LRRC27: variants seen among roughly 807,000 people sequenced by gnomAD.
LRRC27 encodes the protein leucine rich repeat containing 27, also known as leucine-rich repeat-containing protein 27.
Under a neutral mutation model 55.0 loss-of-function variants are expected in LRRC27, and 57 were observed. The ratio of observed to expected loss-of-function variants is 1.04; its 90% CI spans 0.84 to 1.29. LRRC27 has a LOEUF of 1.29. Ranked by LOEUF, LRRC27 falls within the 50% of genes most tolerant of loss-of-function variation. The probability of loss-of-function intolerance (pLI) is 0.00; values close to 1 mark genes in which losing one functional copy is unlikely to be tolerated. For missense variants in LRRC27, 721 were observed against 651.5 expected, an observed-to-expected ratio of 1.11 and a Z score of -1.16; for synonymous variants, 278 against 251.9, an observed-to-expected ratio of 1.10 and a Z score of -0.98.
chr10:132,365,628 G>A (rs771377356), intron 10 of LRRC27, 78 bp downstream of exon 10: 16 of 1,509,894 alleles, frequency 1.1e-5, no homozygotes, highest in Non-Finnish European at 1.3e-5. Flanking sequence ...TTGAGACAGA[G>A]TCTTGTTCTG....
intron 2 of LRRC27, 117 bp downstream of exon 2, chr10:132,333,851 A>G: frequency 1.3e-6 from 1 of 777,004 alleles, no homozygotes; most frequent in East Asian, 2.6e-5. Context: ...TGAATTCTAA[A>G]ATTAAATAGA....
chr10:132,365,628 G>C (rs771377356), intron 10 of LRRC27, 78 bp downstream of exon 10: 2 of 1,510,012 alleles, frequency 1.3e-6, no homozygotes, highest in Non-Finnish European at 8.9e-7. Context: ...TTGAGACAGA[G>C]TCTTGTTCTG....
chr10:132,337,618 G>T lies in LRRC27; in HGVS notation c.264G>T (p.Gln88His). Reference sequence around the variant, plus strand: ...GTGTGATTCCTCAAGATTTCTTTCAGTTGCTTCCGAACCTGACTTGGCTGG... The same window carrying T: ...GTGTGATTCCTCAAGATTTCTTTCATTTGCTTCCGAACCTGACTTGGCTGG... ...ALCVIPQDFF[Q>H]LLPNLTWLDL... Residue 88 changes from glutamine (Q) to histidine (H), a missense_variant, in exon 3 of 11, where the codon CAG becomes CAT. Transcript: ENST00000368614. The T allele has an allele frequency of 1.9e-6, 3 of 1,614,164 alleles. No individual in the cohort carries two copies. Among genetic ancestry groups the T allele is most frequent in the Non-Finnish European group, 2.5e-6 (3 of 1,180,034 alleles).
intron 3 of LRRC27, among the ~76,000 whole-genome samples, chr10:132,339,882 C>T (rs1347716683): frequency 6.6e-6 from 1 of 152,216 alleles, no homozygotes; most frequent in Non-Finnish European, 1.5e-5. Flanking sequence ...CTAGTCAAAG[C>T]TGGCTGCCTA....
intron 3 of LRRC27, among the ~76,000 whole-genome samples, chr10:132,339,807 A>G (rs550357422): frequency 6.6e-6 from 1 of 152,378 alleles, no homozygotes; most frequent in South Asian, 2.1e-4. Flanking sequence ...ACCTGTTCCC[A>G]TAACTACTCG....
rs866397708 is a variant in LRRC27 at position 132,374,936 on chromosome 10, C to T, written c.1417-130C>T. 1.2e-5 allele frequency: 12 copies of T among 1,013,904 alleles called. No homozygotes were observed. The highest frequency in any genetic ancestry group is 3.2e-5 in the African/African-American group (2 of 61,760). 62.8% of individuals were successfully genotyped at this position (1,013,904 alleles called of 1,614,324 possible). A position where few individuals can be genotyped will look rare whatever the true frequency, so the allele number is the denominator to read the frequency against. ...GCCGTGATGCGGCTTGCAGGGGCCC[C>T]GGGGCAGCGGGGCTGGCTCTGCTGA... is the stretch of plus-strand genomic sequence containing the variant. On this transcript the variant is annotated intron_variant, in intron 10 of 10. Coordinates refer to ENST00000368614, the MANE Select transcript of LRRC27 (RefSeq NM_030626.3). This position sits in a 1 kb window ranked among gnomAD's most constrained non-coding sequence, Gnocchi z 4.4.
chr10:132,346,710 C>T (rs1300368960), intron 5 of LRRC27, among the ~76,000 whole-genome samples: 2 of 152,180 alleles, frequency 1.3e-5, no homozygotes, highest in Admixed American at 1.3e-4. Context: ...GTATCCCACT[C>T]TTCCTGTTTG....
chr10:132,359,500 G>T (rs1415786063), intron 8 of LRRC27, among the ~76,000 whole-genome samples: 1 of 152,226 alleles, frequency 6.6e-6, no homozygotes, highest in Non-Finnish European at 1.5e-5. Flanking sequence ...GGCCACTGCT[G>T]GGTGGATCCC....
chr10:132,375,169 C>T lies in LRRC27; in HGVS notation c.1520C>T (p.Pro507Leu), dbSNP rs373709225. 49 of 1,613,960 alleles carry T rather than the reference C, an allele frequency of 3.0e-5. No homozygotes were observed. The highest frequency in any genetic ancestry group is 2.5e-4 in the East Asian group (11 of 44,896). Residue 507 changes from proline to leucine, a missense_variant, in exon 11 of 11, where the codon CCG (proline) becomes CTG (leucine). By Grantham distance (98) the Pro-to-Leu change is moderately conservative. Transcript: ENST00000368614. ...ALTGNLSLGL[P>L]AAQPQNTFFN... ...ACTGGAAACCTTTCGCTTGGCCTGC[C>T]GGCAGCACAGCCTCAAAATACATTT... is the stretch of plus-strand genomic sequence containing the variant.
chr10:132,339,623 G>A (rs1010975451), intron 3 of LRRC27, among the ~76,000 whole-genome samples: 71 of 152,236 alleles, frequency 4.7e-4, no homozygotes, highest in Admixed American at 2.6e-4. Flanking sequence ...CTGTCCTCAC[G>A]GCCTCGGGAG....
In LRRC27 at chr10:132,380,296, C is replaced by CA. The variant is rs57657423; in HGVS notation, c.*5067dup. Among the ~76,000 whole-genome samples, 331 of 142,384 alleles carry CA rather than the reference C, an allele frequency of 2.3e-3. 3 individuals carry two copies. The East Asian group carries it at 0.035, about 15-fold the overall frequency. 93.4% of individuals were successfully genotyped at this position (142,384 alleles called of 152,430 possible). On this transcript the variant is annotated 3_prime_UTR_variant, in exon 11 of 11. Coordinates refer to ENST00000368614, the MANE Select transcript of LRRC27 (RefSeq NM_030626.3). Reference sequence around the variant, plus strand: ...GGGCAACAAGAGCAAAACTCTGTCTCAAAAAAAAAAAAATGCAGCATTAAA... The same window carrying CA: ...GGGCAACAAGAGCAAAACTCTGTCTCAAAAAAAAAAAAAATGCAGCATTAAA...
At chr10:132,341,241 A>G (rs1056829305) in intron 3 of LRRC27, among the ~76,000 whole-genome samples, 2 of 151,484 alleles carry the variant, frequency 1.3e-5, no homozygotes, top group Non-Finnish European at 2.9e-5. Context: ...ATGGTGGTAC[A>G]CACCGTTAGT....
chr10:132,359,287 T>TA (rs1434444124), intron 8 of LRRC27, among the ~76,000 whole-genome samples: 1 of 152,096 alleles, frequency 6.6e-6, no homozygotes, highest in Admixed American at 6.5e-5. Context: ...TTTATAGAAA[T>TA]AAAAGCAATC....
chr10:132,361,847 G>A (rs2068631940), intron 9 of LRRC27, among the ~76,000 whole-genome samples: 1 of 152,090 alleles, frequency 6.6e-6, no homozygotes. Context: ...GCCCTCTGTA[G>A]TGGGTGCTGC....
At chr10:132,345,566 C>A (rs995054202) in intron 5 of LRRC27, among the ~76,000 whole-genome samples, 1 of 152,200 alleles carries the variant, frequency 6.6e-6, no homozygotes, top group Non-Finnish European at 1.5e-5. Flanking sequence ...GGCTGTGGCA[C>A]CCTTGACCCC....
At chr10:132,363,349 T>G (rs1338437999) in intron 9 of LRRC27, among the ~76,000 whole-genome samples, 2 of 152,216 alleles carry the variant, frequency 1.3e-5, no homozygotes, top group Admixed American at 1.3e-4. Context: ...CTTCTATAGC[T>G]GGGTTAGTGG....
chr10:132,335,715 G>A (rs567515303), intron 2 of LRRC27, among the ~76,000 whole-genome samples: 30 of 152,322 alleles, frequency 2.0e-4, no homozygotes, highest in African/African-American at 7.2e-4. Flanking sequence ...TGGTTGTTGG[G>A]CAGGGGCTGT....
rs1019945683 is a variant in LRRC27, at chr10:132,376,682, G to A, written c.*1440G>A. ...CAGTCCTTTGAAACTGTGAAGCCTC[G>A]CCCCGCGGCCTGCCGCAGGATATGT... On this transcript the variant is annotated 3_prime_UTR_variant, in exon 11 of 11. Coordinates refer to ENST00000368614, the MANE Select transcript of LRRC27 (RefSeq NM_030626.3). 2.6e-5 allele frequency: 4 copies of A among 152,308 alleles called. No individual in the cohort carries two copies. Among genetic ancestry groups the A allele is most frequent in the Non-Finnish European group, 5.9e-5 (4 of 68,070 alleles). The allele number at this position is 152,308 out of a possible 1,614,324, so 9.4% of individuals were successfully genotyped here.
rs2066940410 is a variant in LRRC27, at chr10:132,333,546, G to A, written c.22G>A (p.Glu8Lys). The A allele has an allele frequency of 6.2e-7, 1 of 1,607,018 alleles. No homozygotes were observed. Among genetic ancestry groups the A allele is most frequent in the African/African-American group, 1.3e-5 (1 of 74,728 alleles). ...ACGGATGGAGGGAAGCAGCTCCTAC[G>A]AAGTTCCCTCTGTGGCTGCTGCTGA... MEGSSSY[E>K]VPSVAAADLE... Residue 8 changes from glutamate (E) to lysine (K), a missense_variant, in exon 2 of 11, where the codon GAA becomes AAA. Coordinates refer to ENST00000368614, the MANE Select transcript of LRRC27 (RefSeq NM_030626.3).
Sources: gnomAD v4.1 joint callset for allele counts (sites outside exome capture counted in the v4.1 genomes callset) on GRCh38, gnomAD v4.1.1 for gene constraint, Gnocchi (gnomAD v3.1) non-coding constraint, MANE v1.5 for transcripts, NCBI Gene and HGNC (gene_info 2026-07-23, HGNC 2026-07-21) for gene names.